SNX29: variants seen among roughly 807,000 people sequenced by gnomAD.
The protein encoded by SNX29 is sorting nexin-29.
In SNX29, 78 loss-of-function variants were observed where a neutral mutation model predicts 102.1. That is an observed-to-expected ratio of 0.76 (90% CI 0.64 to 0.92). The LOEUF (loss-of-function observed/expected upper bound fraction) is 0.92. Among genes scored for constraint, SNX29 ranks in the 40% least tolerant of loss-of-function variants. SNX29 has a pLI of 0.00. For missense variants in SNX29, 1,280 were observed against 1,061.7 expected (o/e 1.21, Z -2.86); for synonymous variants, 580 against 414.5 (o/e 1.40, Z -4.85).
At chr16:12,189,791 G>T (rs555210706) in intron 13 of SNX29, among the ~76,000 whole-genome samples, 2 of 151,784 alleles carry the variant, frequency 1.3e-5, no homozygotes, top group African/African-American at 2.4e-5. Context: ...CAGAGCGTCC[G>T]AGCATCAAAA....
intron 18 of SNX29, among the ~76,000 whole-genome samples, chr16:12,409,912 T>C (rs1043080443): frequency 6.6e-6 from 1 of 152,238 alleles, no homozygotes; most frequent in African/African-American, 2.4e-5. Flanking sequence ...TTGTACAATA[T>C]TTCATTTGCG....
chr16:12,522,836 A>G (rs2090150996), intron 19 of SNX29, among the ~76,000 whole-genome samples: 1 of 152,224 alleles, frequency 6.6e-6, no homozygotes, highest in Non-Finnish European at 1.5e-5. Context: ...TAATATAGTC[A>G]GGGTCTAACT....
chr16:12,244,802 T>C (rs1242273941), intron 14 of SNX29, among the ~76,000 whole-genome samples: 2 of 152,168 alleles, frequency 1.3e-5, no homozygotes, highest in Non-Finnish European at 2.9e-5. Flanking sequence ...AGAAGATCCC[T>C]GGTTAATGCT....
At chr16:12,251,571 C>T (rs888653798) in intron 14 of SNX29, among the ~76,000 whole-genome samples, 5 of 152,046 alleles carry the variant, frequency 3.3e-5, no homozygotes, top group African/African-American at 1.2e-4. Context: ...GGCATGGTGG[C>T]ACGCGCCTGT....
At chr16:12,361,039 A>G (rs2082285574) in intron 16 of SNX29, among the ~76,000 whole-genome samples, 1 of 152,216 alleles carries the variant, frequency 6.6e-6, no homozygotes, top group East Asian at 1.9e-4. Context: ...CCACCAGCCA[A>G]GGTTCCAGCA....
intron 10 of SNX29, 123 bp from the exon 11 acceptor site, chr16:12,078,710 T>A: frequency 2.5e-6 from 2 of 794,722 alleles, no homozygotes; most frequent in Non-Finnish European, 4.3e-6. Flanking sequence ...TAATTTCCAA[T>A]GACTGCCTCT....
At chr16:12,071,612 C>T (rs2051305363) in intron 10 of SNX29, among the ~76,000 whole-genome samples, 1 of 152,168 alleles carries the variant, frequency 6.6e-6, no homozygotes, top group South Asian at 2.1e-4. Flanking sequence ...GTGATGCCTC[C>T]AGCTTTGTTC....
chr16:12,332,800 C>A (rs563567085), intron 15 of SNX29, among the ~76,000 whole-genome samples: 2 of 152,124 alleles, frequency 1.3e-5, no homozygotes, highest in Admixed American at 6.5e-5. Flanking sequence ...TCAGTCCTCA[C>A]GGTCCTGTCT....
intron 10 of SNX29, among the ~76,000 whole-genome samples, chr16:12,075,394 C>T (rs1269462177): frequency 6.6e-6 from 1 of 152,230 alleles, no homozygotes; most frequent in East Asian, 1.9e-4. Context: ...ACAGGACCCT[C>T]AGCTGCAGTC....
intron 15 of SNX29, among the ~76,000 whole-genome samples, chr16:12,302,067 G>T (rs890806888): frequency 1.3e-5 from 2 of 152,122 alleles, no homozygotes; most frequent in Non-Finnish European, 2.9e-5. Flanking sequence ...CAGTGCCTAC[G>T]GTCCTTTCTT....
chr16:12,134,575 CAGG>C (rs1481742065), intron 13 of SNX29, among the ~76,000 whole-genome samples: 1 of 152,316 alleles, frequency 6.6e-6, no homozygotes, highest in East Asian at 1.9e-4. Flanking sequence ...AACCCAGGAG[CAGG>C]AGAAGAGAGC....
chr16:12,182,933 CAAAAA>C (rs575698544), intron 13 of SNX29, among the ~76,000 whole-genome samples: 3 of 46,438 alleles, frequency 6.5e-5, no homozygotes, highest in Admixed American at 2.2e-4. Flanking sequence ...GACTCTGTCT[CAAAAA>C]AAAAAAAAAA....
intron 14 of SNX29, among the ~76,000 whole-genome samples, chr16:12,275,242 C>T (rs1393777555): frequency 1.3e-5 from 2 of 152,124 alleles, no homozygotes; most frequent in African/African-American, 2.4e-5. Context: ...CCTTTCCATT[C>T]CCTGGCTTAG....
chr16:12,555,956 A>C (rs1215113959), intron 20 of SNX29, among the ~76,000 whole-genome samples: 1 of 151,830 alleles, frequency 6.6e-6, no homozygotes, highest in African/African-American at 2.4e-5. Flanking sequence ...ACCAACTTGT[A>C]ACACCATCTG....
chr16:12,316,663 C>T (rs745449178), intron 15 of SNX29, among the ~76,000 whole-genome samples: 1 of 152,210 alleles, frequency 6.6e-6, no homozygotes, highest in African/African-American at 2.4e-5. Flanking sequence ...CCCCCTGCCC[C>T]GTTCCACATC....
In SNX29 at chr16:12,571,622, C is replaced by A. The variant is rs550957519; in HGVS notation, c.*2993C>A. 1.9e-6 allele frequency: 2 copies of A among 1,059,264 alleles called. No homozygotes were observed. The highest frequency in any genetic ancestry group is 5.4e-5 in the Admixed American group (1 of 18,496). 65.6% of individuals were successfully genotyped at this position (1,059,264 alleles called of 1,614,324 possible). On this transcript the variant is annotated 3_prime_UTR_variant, in exon 21 of 21. Transcript: ENST00000566228. ...GAACAGCAGGTTCCATCTTTCACATCTTTTTTTCTCCCCCAGATGAAAGAC... is the reference window on the plus strand; with the variant it reads ...GAACAGCAGGTTCCATCTTTCACATATTTTTTTCTCCCCCAGATGAAAGAC...
At chr16:12,248,867 G>T (rs8051479) in intron 14 of SNX29, among the ~76,000 whole-genome samples, 11 of 151,840 alleles carry the variant, frequency 7.2e-5, no homozygotes, top group African/African-American at 2.7e-4. Context: ...TAGAATCTAA[G>T]CTCCTTAAGA....
chr16:12,062,691 C>T (rs1280903949), intron 9 of SNX29, among the ~76,000 whole-genome samples: 1 of 152,150 alleles, frequency 6.6e-6, no homozygotes, highest in Non-Finnish European at 1.5e-5. Flanking sequence ...AGTGAATGTG[C>T]CTTCTCTGGG....
In SNX29 at chr16:11,991,144, C is replaced by T. The variant is rs903256921; in HGVS notation, c.8-8153C>T. On this transcript the variant is annotated intron_variant, in intron 1 of 20. Transcript: ENST00000566228. ...TGAGGCAGCCCGCCACAGATGCACACGCAGGGCTTAGAGAAATGCTGTGTT... is the reference window on the plus strand; with the variant it reads ...TGAGGCAGCCCGCCACAGATGCACATGCAGGGCTTAGAGAAATGCTGTGTT... Among the ~76,000 whole-genome samples the T allele has an allele frequency of 7.2e-5, 11 of 152,354 alleles. No individual in the cohort carries two copies. The East Asian group carries it at 9.6e-4, about 13-fold the overall frequency.
Sources: gnomAD v4.1 joint callset for allele counts (sites outside exome capture counted in the v4.1 genomes callset) on GRCh38, gnomAD v4.1.1 for gene constraint, MANE v1.5 for transcripts, NCBI Gene and HGNC (gene_info 2026-07-23, HGNC 2026-07-21) for gene names.